RCSD1: variants seen among roughly 807,000 people sequenced by gnomAD.
RCSD1 encodes RCSD domain containing 1.
Under a neutral mutation model 42.5 loss-of-function variants are expected in RCSD1, and 26 were observed. The ratio of observed to expected loss-of-function variants is 0.61; its 90% CI spans 0.45 to 0.85. The LOEUF (loss-of-function observed/expected upper bound fraction) is 0.85. Ranked by LOEUF, RCSD1 falls within the 40% of genes least tolerant of loss-of-function variation. RCSD1 has a pLI of 0.00. For missense variants in RCSD1, 571 were observed against 528.3 expected, an observed-to-expected ratio of 1.08 and a Z score of -0.79; for synonymous variants, 220 against 212.2, an observed-to-expected ratio of 1.04 and a Z score of -0.32.
intron 1 of RCSD1, among the ~76,000 whole-genome samples, chr1:167,671,176 A>T (rs1233913916): frequency 6.6e-6 from 1 of 152,184 alleles, no homozygotes; most frequent in Non-Finnish European, 1.5e-5. Flanking sequence ...ATAGCCACTG[A>T]GTAGTTCATT....
At chr1:167,664,458 A>G (rs949514162) in intron 1 of RCSD1, 13 of 152,396 alleles carry the variant, frequency 8.5e-5, no homozygotes, top group African/African-American at 2.9e-4. Context: ...TATTTGAACT[A>G]TCATGAGCAC....
At chr1:167,683,870 A>C (rs767510375) in intron 1 of RCSD1, 30 bp from the exon 2 acceptor site, 1 of 1,606,110 alleles carries the variant, frequency 6.2e-7, no homozygotes, top group African/African-American at 1.3e-5. Context: ...CCATTTGCTG[A>C]TTAACTGTTT....
intron 3 of RCSD1, among the ~76,000 whole-genome samples, chr1:167,686,010 AG>A (rs1454125278): frequency 6.6e-6 from 1 of 152,252 alleles, no homozygotes; most frequent in African/African-American, 2.4e-5. Flanking sequence ...CAGAGCGCAC[AG>A]GAGGCCTCGT....
intron 3 of RCSD1, among the ~76,000 whole-genome samples, chr1:167,687,855 C>T (rs2102234281): frequency 6.6e-6 from 1 of 152,372 alleles, no homozygotes; most frequent in Non-Finnish European, 1.5e-5. Flanking sequence ...AGTTACCCCT[C>T]TCTGGAAGAA....
chr1:167,671,437 AGG>A (rs1658804355), intron 1 of RCSD1, among the ~76,000 whole-genome samples: 1 of 152,198 alleles, frequency 6.6e-6, no homozygotes, highest in Non-Finnish European at 1.5e-5. Context: ...TCACCCCGGA[AGG>A]GGCCAGCCCT....
chr1:167,693,962 A>G, intron 4 of RCSD1, 137 bp from the exon 5 acceptor site: 3 of 726,638 alleles, frequency 4.1e-6, no homozygotes, highest in Non-Finnish European at 6.9e-6. Flanking sequence ...ACAGTGGATA[A>G]TGGGTTGGGA....
At chr1:167,653,333 C>T (rs1372521263) in intron 1 of RCSD1, among the ~76,000 whole-genome samples, 1 of 152,172 alleles carries the variant, frequency 6.6e-6, no homozygotes, top group African/African-American at 2.4e-5. Flanking sequence ...AAGCTTCTAC[C>T]CTGGCAGCCC....
At chr1:167,644,905 A>G (rs1658096009) in intron 1 of RCSD1, among the ~76,000 whole-genome samples, 1 of 152,154 alleles carries the variant, frequency 6.6e-6, no homozygotes, top group African/African-American at 2.4e-5. Context: ...GGGTATTCTG[A>G]TTTCTCACGT....
At chr1:167,691,425 G>A (rs568459877) in intron 4 of RCSD1, among the ~76,000 whole-genome samples, 1 of 152,218 alleles carries the variant, frequency 6.6e-6, no homozygotes, top group African/African-American at 2.4e-5. Context: ...TGTTCCCCGT[G>A]GGGGAATGGC....
intron 1 of RCSD1, among the ~76,000 whole-genome samples, chr1:167,636,146 G>T (rs1158737359): frequency 6.6e-6 from 1 of 152,176 alleles, no homozygotes; most frequent in African/African-American, 2.4e-5. Context: ...GAAACAGCTG[G>T]CTAAGCCCAT....
intron 4 of RCSD1, among the ~76,000 whole-genome samples, chr1:167,692,709 T>C (rs1468378766): frequency 6.6e-6 from 1 of 152,158 alleles, no homozygotes; most frequent in African/African-American, 2.4e-5. Context: ...TATTTAACTT[T>C]CGTATTTTAT....
chr1:167,643,873 C>T (rs1427784302), intron 1 of RCSD1, among the ~76,000 whole-genome samples: 2 of 152,206 alleles, frequency 1.3e-5, no homozygotes. Flanking sequence ...TAGAAGAGAA[C>T]AGCCTCCTGC....
At chr1:167,693,196 G>A (rs901756849) in intron 4 of RCSD1, among the ~76,000 whole-genome samples, 8 of 152,138 alleles carry the variant, frequency 5.3e-5, no homozygotes, top group Non-Finnish European at 8.8e-5. Flanking sequence ...CTCCTGGTTC[G>A]GCACTGCCAC....
intron 4 of RCSD1, among the ~76,000 whole-genome samples, chr1:167,691,843 T>C (rs1659384747): frequency 1.3e-5 from 2 of 152,174 alleles, no homozygotes; most frequent in South Asian, 4.1e-4. Context: ...TGGTGCTACC[T>C]GTCACTCCAG....
chr1:167,652,708 G>C (rs567776868), intron 1 of RCSD1, among the ~76,000 whole-genome samples: 2 of 152,140 alleles, frequency 1.3e-5, no homozygotes, highest in East Asian at 3.9e-4. Context: ...ACAAAGCATG[G>C]GGGATTTTTT....
At chr1:167,693,821 G>A (rs905623544) in intron 4 of RCSD1, among the ~76,000 whole-genome samples, 1 of 152,200 alleles carries the variant, frequency 6.6e-6, no homozygotes, top group Non-Finnish European at 1.5e-5. Flanking sequence ...TTGATAAGTT[G>A]AGCTTGTTCT....
intron 1 of RCSD1, among the ~76,000 whole-genome samples, chr1:167,643,067 C>T (rs1658046684): frequency 6.6e-6 from 1 of 152,166 alleles, no homozygotes; most frequent in Non-Finnish European, 1.5e-5. Context: ...GTTCCGTGCT[C>T]TGTAAAACCG....
intron 3 of RCSD1, among the ~76,000 whole-genome samples, chr1:167,686,133 A>C (rs928631106): frequency 3.9e-5 from 6 of 152,164 alleles, no homozygotes; most frequent in African/African-American, 1.2e-4. Flanking sequence ...TTATTTATCT[A>C]ATTGTAGCTG....
chr1:167,648,770 A>T (rs1658230713), intron 1 of RCSD1, among the ~76,000 whole-genome samples: 1 of 152,190 alleles, frequency 6.6e-6, no homozygotes, highest in Non-Finnish European at 1.5e-5. Flanking sequence ...TGGAGGCAGA[A>T]CACCAGAGGG....
Sources: gnomAD v4.1 joint callset for allele counts (sites outside exome capture counted in the v4.1 genomes callset) on GRCh38, gnomAD v4.1.1 for gene constraint, MANE v1.5 for transcripts, NCBI Gene and HGNC (gene_info 2026-07-23, HGNC 2026-07-21) for gene names.